The following ANKS1B variants were observed in gnomAD, a reference collection of about 807,000 sequenced individuals.
ANKS1B encodes the protein ankyrin repeat and sterile alpha motif domain-containing protein 1B.
Under a neutral mutation model 148.3 loss-of-function variants are expected in ANKS1B, and 36 were observed. The observed-to-expected ratio is 0.24, with a 90% CI of 0.19 to 0.32. The LOEUF (loss-of-function observed/expected upper bound fraction) is 0.32. Ranked by LOEUF, ANKS1B falls within the 10% of genes least tolerant of loss-of-function variation. ANKS1B has a pLI of 1.00. For missense variants in ANKS1B, 1,157 were observed against 1,542.6 expected, an observed-to-expected ratio of 0.75 and a Z score of 4.19; for synonymous variants, 542 against 560.8, an observed-to-expected ratio of 0.97 and a Z score of 0.47.
chr12:99,490,172 C>T (rs2096542015), intron 10 of ANKS1B, among the ~76,000 whole-genome samples: 1 of 152,160 alleles, frequency 6.6e-6, no homozygotes, highest in South Asian at 2.1e-4. Context: ...ATGTCCTCAA[C>T]AAACGTTTGT....
At chr12:99,006,194 CA>C (rs577614844) in intron 17 of ANKS1B, among the ~76,000 whole-genome samples, 245 of 152,230 alleles carry the variant, frequency 1.6e-3, no homozygotes, top group Non-Finnish European at 2.9e-3. Flanking sequence ...GAGCTTTGAC[CA>C]AAGTTTATTT....
chr12:99,359,294 C>T (rs1001606606), intron 12 of ANKS1B, among the ~76,000 whole-genome samples: 2 of 151,980 alleles, frequency 1.3e-5, no homozygotes, highest in African/African-American at 2.4e-5. Context: ...CATGTTAGCT[C>T]CCATTTTCCT....
chr12:99,525,676 T>A (rs1007834595), intron 9 of ANKS1B, among the ~76,000 whole-genome samples: 4 of 152,164 alleles, frequency 2.6e-5, no homozygotes, highest in African/African-American at 9.7e-5. Context: ...TAAACTTGAA[T>A]TACTACTGCA....
chr12:98,752,601 T>TTTTTG (rs1283114014), intron 25 of ANKS1B, among the ~76,000 whole-genome samples: 1 of 152,010 alleles, frequency 6.6e-6, no homozygotes, highest in East Asian at 1.9e-4. Flanking sequence ...GACTGAGACT[T>TTTTTG]GTCTCAGATA....
chr12:98,957,309 A>T (rs9971781), intron 17 of ANKS1B, among the ~76,000 whole-genome samples: 67,438 of 148,228 alleles, frequency 0.45, 16,119 homozygotes, highest in African/African-American at 0.61. Flanking sequence ...GATTTTTTTT[A>T]AATATTTATT....
chr12:99,783,695 A>G (rs1316394386), intron 4 of ANKS1B, among the ~76,000 whole-genome samples: 2 of 152,154 alleles, frequency 1.3e-5, no homozygotes, highest in African/African-American at 4.8e-5. Flanking sequence ...ATAGAAGTAG[A>G]GAGTAACATT....
chr12:99,724,045 G>A (rs2058370951), intron 8 of ANKS1B, among the ~76,000 whole-genome samples: 1 of 151,260 alleles, frequency 6.6e-6, no homozygotes, highest in South Asian at 2.1e-4. Context: ...AGATGAGAAA[G>A]GATCAACAAA....
chr12:98,744,834 G>GAT lies in ANKS1B; in HGVS notation c.*903_*904dup. 1.0e-6 allele frequency: 1 copy of GAT among 984,660 alleles called. No individual in the cohort carries two copies. The highest frequency in any genetic ancestry group is 1.2e-6 in the Non-Finnish European group (1 of 829,758). 61.0% of individuals were successfully genotyped at this position (984,660 alleles called of 1,614,324 possible). ...AACATGTTCTTTAAAACACTGTGAA[G>GAT]ATTAAAAAACAATCTTGGCAGGCTG... On this transcript the variant is annotated 3_prime_UTR_variant, in exon 27 of 27. Transcript: ENST00000683438.
At chr12:98,997,429 A>T (rs1378705302) in intron 17 of ANKS1B, among the ~76,000 whole-genome samples, 2 of 148,434 alleles carry the variant, frequency 1.3e-5, no homozygotes, top group African/African-American at 5.0e-5. Context: ...TTTTTGAGAC[A>T]AGTCTTGCTG....
In ANKS1B at chr12:99,912,354, ATT is replaced by A. The variant is rs34445475; in HGVS notation, c.134+71748_134+71749del. ...GCACTACCTAATGGTTTCCCAATCA[ATT>A]TTTTTTTTTTTTTGAGACAGAGTCT... is the stretch of plus-strand genomic sequence containing the variant. On this transcript the variant is annotated intron_variant, in intron 1 of 26. Coordinates refer to ENST00000683438, the MANE Select transcript of ANKS1B (RefSeq NM_001352186.2). Among the ~76,000 whole-genome samples, 509 of 145,726 alleles carry A rather than the reference ATT, an allele frequency of 3.5e-3. 12 individuals carry two copies. The East Asian group carries it at 0.042, about 12-fold the overall frequency.
At chr12:98,931,294 AC>A (rs1463358440) in intron 17 of ANKS1B, among the ~76,000 whole-genome samples, 1 of 152,156 alleles carries the variant, frequency 6.6e-6, no homozygotes, top group Non-Finnish European at 1.5e-5. Flanking sequence ...AATTAGAGAA[AC>A]TTGAGGCCTT....
At chr12:99,844,030 G>A (rs1208825586) in intron 1 of ANKS1B, among the ~76,000 whole-genome samples, 1 of 151,990 alleles carries the variant, frequency 6.6e-6, no homozygotes, top group Admixed American at 6.6e-5. Flanking sequence ...AAGTTTCTTG[G>A]CCACATGTAT....
chr12:98,798,061 C>T (rs554467927), intron 22 of ANKS1B, among the ~76,000 whole-genome samples: 3 of 151,806 alleles, frequency 2.0e-5, no homozygotes, highest in Non-Finnish European at 4.4e-5. Context: ...GTTAGAGTTG[C>T]TTTGGCTAAA....
intron 4 of ANKS1B, among the ~76,000 whole-genome samples, chr12:99,792,444 C>T (rs2065773530): frequency 1.3e-5 from 2 of 151,792 alleles, no homozygotes; most frequent in Admixed American, 1.3e-4. Flanking sequence ...AAAAAGAAAA[C>T]TATAGGCCAA....
chr12:99,750,013 C>A (rs1476477045), intron 8 of ANKS1B, among the ~76,000 whole-genome samples: 1 of 152,032 alleles, frequency 6.6e-6, no homozygotes, highest in Non-Finnish European at 1.5e-5. Flanking sequence ...TAATTGCTGA[C>A]TTGTCCACCA....
At chr12:99,335,265 T>C (rs1384253280) in intron 12 of ANKS1B, among the ~76,000 whole-genome samples, 1 of 152,024 alleles carries the variant, frequency 6.6e-6, no homozygotes, top group Non-Finnish European at 1.5e-5. Flanking sequence ...ACATAAGATA[T>C]TTTGATACAG....
At chr12:99,936,979 C>T (rs1356652874) in intron 1 of ANKS1B, among the ~76,000 whole-genome samples, 4 of 151,916 alleles carry the variant, frequency 2.6e-5, no homozygotes, top group Admixed American at 6.6e-5. Context: ...GCTTGGGAAC[C>T]TTCATCCTCA....
chr12:99,152,679 C>T (rs1010342494), intron 15 of ANKS1B, among the ~76,000 whole-genome samples: 1 of 151,998 alleles, frequency 6.6e-6, no homozygotes, highest in African/African-American at 2.4e-5. Flanking sequence ...TCCAGGAAAT[C>T]CAAAGACCTA....
chr12:99,333,328 G>GA (rs1202695837), intron 12 of ANKS1B, among the ~76,000 whole-genome samples: 1 of 152,096 alleles, frequency 6.6e-6, no homozygotes, highest in Non-Finnish European at 1.5e-5. Flanking sequence ...ATAAGAACCT[G>GA]ATGACTCTGA....
Sources: gnomAD v4.1 joint callset for allele counts (sites outside exome capture counted in the v4.1 genomes callset) on GRCh38, gnomAD v4.1.1 for gene constraint, MANE v1.5 for transcripts, NCBI Gene and HGNC (gene_info 2026-07-23, HGNC 2026-07-21) for gene names.